DYM: variants seen among roughly 807,000 people sequenced by gnomAD.
The protein encoded by DYM is dymeclin.
A neutral mutation model predicts 93.1 loss-of-function variants in DYM; 78 were observed. The observed-to-expected ratio is 0.84, with a 90% confidence interval of 0.70 to 1.01. The LOEUF (loss-of-function observed/expected upper bound fraction) is 1.01. DYM is among the 50% of genes least tolerant of loss of function. DYM has a pLI of 0.00. For synonymous variants in DYM, 321 were observed against 319.7 expected, an observed-to-expected ratio of 1.00 and a Z score of -0.04; for missense variants, 789 against 845.0, an observed-to-expected ratio of 0.93 and a Z score of 0.82.
intron 13 of DYM, among the ~76,000 whole-genome samples, chr18:49,240,084 TA>T (rs2093974341): frequency 6.6e-6 from 1 of 152,226 alleles, no homozygotes; most frequent in Non-Finnish European, 1.5e-5. Flanking sequence ...AATAAATATT[TA>T]TTAAATGGAA....
chr18:49,363,674 T>C (rs2066257581), intron 5 of DYM, among the ~76,000 whole-genome samples: 2 of 152,218 alleles, frequency 1.3e-5, no homozygotes, highest in South Asian at 4.1e-4. Flanking sequence ...GATTTCTTGA[T>C]GGGAGGGCCT....
intron 9 of DYM, among the ~76,000 whole-genome samples, chr18:49,284,074 G>A (rs2095058324): frequency 6.6e-6 from 1 of 152,120 alleles, no homozygotes; most frequent in South Asian, 2.1e-4. Context: ...ATGTTCACTG[G>A]AGGAAGATTC....
intron 14 of DYM, among the ~76,000 whole-genome samples, chr18:49,178,250 A>T (rs1488361140): frequency 6.6e-6 from 1 of 152,168 alleles, no homozygotes; most frequent in African/African-American, 2.4e-5. Context: ...CCAGAATGGG[A>T]ATATGTGGAA....
chr18:49,146,461 A>C (rs1175932896), intron 15 of DYM, among the ~76,000 whole-genome samples: 1 of 152,256 alleles, frequency 6.6e-6, no homozygotes, highest in Non-Finnish European at 1.5e-5. Flanking sequence ...GTCTCAGCAC[A>C]AAATCTCCTT....
intron 14 of DYM, among the ~76,000 whole-genome samples, chr18:49,196,861 A>G (rs957145698): frequency 6.6e-6 from 1 of 152,168 alleles, no homozygotes; most frequent in African/African-American, 2.4e-5. Flanking sequence ...CTTGAGGAAA[A>G]GGACTAGGTA....
At position 49,225,893 on chromosome 18, in the gene DYM, C is replaced by T. The variant is rs1312588321; in HGVS notation, c.1461-16178G>A. Among the ~76,000 whole-genome samples the T allele has an allele frequency of 2.6e-5, 4 of 152,044 alleles. No homozygotes were observed. In the East Asian group the frequency reaches 7.7e-4, roughly 29 times the overall value. ...ATATCTTTGTCAAATTACTTGCTTTCTGATTTTAAAATATTGTAAATATTA... is the reference window on the plus strand; with the variant it reads ...ATATCTTTGTCAAATTACTTGCTTTTTGATTTTAAAATATTGTAAATATTA... On this transcript the variant is annotated intron_variant, in intron 13 of 17. Coordinates refer to ENST00000675505, the MANE Select transcript of DYM (RefSeq NM_001353214.3).
intron 11 of DYM, among the ~76,000 whole-genome samples, chr18:49,261,808 A>G (rs1225611065): frequency 1.3e-5 from 2 of 152,172 alleles, no homozygotes; most frequent in African/African-American, 2.4e-5. Flanking sequence ...TTTAATATAT[A>G]TATCTCACTT....
intron 8 of DYM, among the ~76,000 whole-genome samples, chr18:49,294,258 C>T (rs1227121304): frequency 6.6e-6 from 1 of 152,120 alleles, no homozygotes; most frequent in Non-Finnish European, 1.5e-5. Flanking sequence ...ATGATGCCTC[C>T]AGCTTTGTTC....
chr18:49,123,223 T>A (rs868859077), intron 15 of DYM, among the ~76,000 whole-genome samples: 1 of 152,226 alleles, frequency 6.6e-6, no homozygotes, highest in Admixed American at 6.5e-5. Flanking sequence ...TATTTTGTTA[T>A]GCAAGCTTAT....
chr18:49,237,512 G>A (rs940423664), intron 13 of DYM, among the ~76,000 whole-genome samples: 1 of 151,920 alleles, frequency 6.6e-6, no homozygotes, highest in African/African-American at 2.4e-5. Context: ...ATTAACAGTT[G>A]GCTTCAAGTT....
chr18:49,283,679 T>A (rs908793651), intron 9 of DYM, among the ~76,000 whole-genome samples: 3 of 152,204 alleles, frequency 2.0e-5, no homozygotes, highest in African/African-American at 7.2e-5. Context: ...TATTTTTACG[T>A]TCTAAAAAGC....
intron 17 of DYM, among the ~76,000 whole-genome samples, chr18:49,068,338 T>C (rs990414019): frequency 2.0e-5 from 3 of 152,208 alleles, no homozygotes; most frequent in African/African-American, 7.2e-5. Flanking sequence ...TATCTCTTCT[T>C]TCTCCATTCT....
At chr18:49,249,421 T>G (rs2094239315) in intron 13 of DYM, among the ~76,000 whole-genome samples, 1 of 152,154 alleles carries the variant, frequency 6.6e-6, no homozygotes, top group Non-Finnish European at 1.5e-5. Flanking sequence ...AACAAATAGG[T>G]CAATTTGCTT....
chr18:49,290,104 C>A (rs2060015028), intron 8 of DYM, among the ~76,000 whole-genome samples: 1 of 150,252 alleles, frequency 6.7e-6, no homozygotes. Flanking sequence ...CTTGAATAGG[C>A]ACACAAAAGA....
At chr18:49,443,929 G>C (rs1046346408) in intron 1 of DYM, among the ~76,000 whole-genome samples, 2 of 152,108 alleles carry the variant, frequency 1.3e-5, no homozygotes, top group South Asian at 4.1e-4. Context: ...ACAGTGGCTC[G>C]AAGTACAGTA....
chr18:49,269,778 T>C (rs551129969), intron 11 of DYM, among the ~76,000 whole-genome samples: 7 of 152,288 alleles, frequency 4.6e-5, no homozygotes, highest in African/African-American at 1.7e-4. Context: ...GGGTAATTGA[T>C]TATTAAAGAA....
intron 14 of DYM, among the ~76,000 whole-genome samples, chr18:49,168,685 C>A (rs2088237413): frequency 1.3e-5 from 2 of 152,078 alleles, no homozygotes; most frequent in Admixed American, 6.6e-5. Context: ...CCAAGGAACT[C>A]AAGTCTACTG....
In DYM at chr18:49,040,023, GC is replaced by G. The variant is rs915486890; in HGVS notation, c.*4031del. The G allele has an allele frequency of 1.3e-5, 2 of 152,144 alleles. No individual in the cohort carries two copies. Among genetic ancestry groups the G allele is most frequent in the African/African-American group, 2.4e-5 (1 of 41,424 alleles). 9.4% of individuals were successfully genotyped at this position (152,144 alleles called of 1,614,324 possible). A position where few individuals can be genotyped will look rare whatever the true frequency, so the allele number is the denominator to read the frequency against. Reference sequence around the variant, plus strand: ...AGAATTTGCCATTTGCTTCAATTGGGCACCTGAAGGCATCAGTAATCTGGTT... The same window carrying G: ...AGAATTTGCCATTTGCTTCAATTGGGACCTGAAGGCATCAGTAATCTGGTT... On this transcript the variant is annotated 3_prime_UTR_variant, in exon 18 of 18. Transcript: ENST00000675505.
intron 14 of DYM, among the ~76,000 whole-genome samples, chr18:49,170,946 A>C (rs1244169899): frequency 6.6e-6 from 1 of 152,116 alleles, no homozygotes; most frequent in African/African-American, 2.4e-5. Flanking sequence ...AATAATCATC[A>C]CTGTTAAAAG....
Sources: gnomAD v4.1 joint callset for allele counts (sites outside exome capture counted in the v4.1 genomes callset) on GRCh38, gnomAD v4.1.1 for gene constraint, MANE v1.5 for transcripts, NCBI Gene and HGNC (gene_info 2026-07-23, HGNC 2026-07-21) for gene names.